The following RYR2 variants were observed in gnomAD, a reference collection of about 807,000 sequenced individuals.
The protein encoded by RYR2 is ryanodine receptor 2.
A neutral mutation model predicts 601.1 loss-of-function variants in RYR2; 227 were observed. That is an observed-to-expected ratio of 0.38 (90% CI 0.34 to 0.42). RYR2 has a LOEUF of 0.42. Among genes scored for constraint, RYR2 ranks in the 10% least tolerant of loss-of-function variants. The probability of loss-of-function intolerance (pLI) is 1.00; values close to 1 mark genes in which losing one functional copy is unlikely to be tolerated. For missense variants in RYR2, 4,646 were observed against 6,156.5 expected (o/e 0.75, Z 8.21); for synonymous variants, 2,223 against 2,175.1 (o/e 1.02, Z -0.61).
chr1:237,296,768 G>C (rs1373054237), intron 2 of RYR2, among the ~76,000 whole-genome samples: 2 of 152,172 alleles, frequency 1.3e-5, no homozygotes, highest in Non-Finnish European at 2.9e-5. Context: ...AAGGGGCTCA[G>C]GTCAAGCACT....
intron 1 of RYR2, among the ~76,000 whole-genome samples, chr1:237,043,362 T>G (rs540972758): frequency 2.0e-5 from 3 of 152,112 alleles, no homozygotes; most frequent in Admixed American, 2.0e-4. Context: ...AATGCTGGCT[T>G]ATTGCATGCC....
At chr1:237,563,311 C>T (rs12134061) in intron 27 of RYR2, among the ~76,000 whole-genome samples, 39,295 of 150,832 alleles carry the variant, frequency 0.26, 5,476 homozygotes, top group East Asian at 0.47. Flanking sequence ...CTCAGGAAGC[C>T]GAGGCAGGGG....
chr1:237,376,348 A>C (rs1701033077), intron 7 of RYR2, among the ~76,000 whole-genome samples: 1 of 152,180 alleles, frequency 6.6e-6, no homozygotes, highest in African/African-American at 2.4e-5. Flanking sequence ...TGCAAAATGA[A>C]TTTGTGGTGA....
intron 1 of RYR2, among the ~76,000 whole-genome samples, chr1:237,261,695 A>T (rs890010467): frequency 6.6e-6 from 1 of 152,192 alleles, no homozygotes; most frequent in Non-Finnish European, 1.5e-5. Flanking sequence ...CAGGAGTTCT[A>T]GACCAGCCTG....
rs1693078772 is a variant in RYR2, at chr1:237,757,739, T to C, written c.11288T>C (p.Ile3763Thr). The C allele has an allele frequency of 6.2e-7, 1 of 1,612,480 alleles. No homozygotes were observed. The highest frequency in any genetic ancestry group is 8.5e-7 in the Non-Finnish European group (1 of 1,178,608). Residue 3763 changes from isoleucine to threonine, a missense_variant, in exon 82 of 105, where the codon ATT becomes ACT. Around this residue, in one of 17 missense-constraint regions of RYR2, gnomAD observed 1,497 missense variants for 1,842.6 expected, o/e 0.81. Coordinates refer to ENST00000366574, the MANE Select transcript of RYR2 (RefSeq NM_001035.3). ...GTAGCAGCTACTCTGAAACTTGGAA[T>C]TGCTATTTTAAATGGTGGGAACTCC... Reference protein sequence around the residue: ...PMVAATLKLGIAILNGGNSTV... With the variant: ...PMVAATLKLGTAILNGGNSTV...
intron 77 of RYR2, among the ~76,000 whole-genome samples, 170 bp from the exon 78 acceptor site, chr1:237,731,876 A>G (rs1032045053): frequency 5.5e-5 from 7 of 126,644 alleles, no homozygotes; most frequent in Non-Finnish European, 3.4e-5. Context: ...TATAGCATGT[A>G]TAATGCATAT....
intron 2 of RYR2, among the ~76,000 whole-genome samples, chr1:237,319,411 A>G (rs1435444578): frequency 6.6e-6 from 1 of 152,136 alleles, no homozygotes; most frequent in African/African-American, 2.4e-5. Context: ...TTTAGATAAT[A>G]TAACAACCCT....
rs375179738 is a variant in RYR2 at position 237,831,909 on chromosome 1, T to C, written c.14808+344T>C. ...TTCCAATGAACTTCAAAGTATTATG[T>C]ACAATGCATGTTAAATGCCTAAGGT... On this transcript the variant is annotated intron_variant, in intron 104 of 104. Transcript: ENST00000366574. Among the ~76,000 whole-genome samples the C allele has an allele frequency of 3.3e-5, 5 of 152,320 alleles. No individual in the cohort carries two copies. In the East Asian group the frequency reaches 5.8e-4, roughly 18 times the overall value.
At chr1:237,673,681 G>A (rs1237550246) in intron 58 of RYR2, among the ~76,000 whole-genome samples, 1 of 152,140 alleles carries the variant, frequency 6.6e-6, no homozygotes, top group African/African-American at 2.4e-5. Context: ...CTCTCTGTGC[G>A]ACAGCAGATG....
intron 3 of RYR2, among the ~76,000 whole-genome samples, chr1:237,349,689 A>G (rs1161622384): frequency 6.6e-6 from 1 of 152,232 alleles, no homozygotes; most frequent in Non-Finnish European, 1.5e-5. Flanking sequence ...ATTTATACTT[A>G]TAATGAAAGA....
intron 49 of RYR2, 22 bp from the exon 50 acceptor site, chr1:237,649,855 C>G (rs766724995): frequency 1.1e-5 from 17 of 1,608,242 alleles, no homozygotes; most frequent in Non-Finnish European, 1.4e-5. Context: ...AAATGGCCTT[C>G]TACTCTCTGA....
At position 237,255,838 on chromosome 1, in the gene RYR2, AGTGTGT is replaced by A. The variant is rs4006354; in HGVS notation, c.49-14629_49-14624del. Among the ~76,000 whole-genome samples, 427 of 142,952 alleles carry A rather than the reference AGTGTGT, an allele frequency of 3.0e-3. 2 individuals are homozygous for A. The highest frequency in any genetic ancestry group is 0.01 in the African/African-American group (396 of 38,366). The allele number at this position is 142,952 out of a possible 152,430, so 93.8% of individuals were successfully genotyped here. A position where few individuals can be genotyped will look rare whatever the true frequency, so the allele number is the denominator to read the frequency against. ...TTCTAGTTGTGCTGCTTGCTATACC[AGTGTGT>A]GTGTGTGTGTGTGTGTGTGTGTGTG... On this transcript the variant is annotated intron_variant, in intron 1 of 104. Coordinates refer to ENST00000366574, the MANE Select transcript of RYR2 (RefSeq NM_001035.3).
chr1:237,638,950 C>T (rs1681161026), intron 45 of RYR2, 65 bp from the exon 46 acceptor site: 3 of 1,537,610 alleles, frequency 2.0e-6, no homozygotes, highest in Admixed American at 1.8e-5. Context: ...ATTAGTATAA[C>T]ATTTATTTGT....
chr1:237,809,986 T>A (rs944728204), intron 100 of RYR2, among the ~76,000 whole-genome samples: 8 of 148,448 alleles, frequency 5.4e-5, no homozygotes, highest in African/African-American at 1.2e-4. Context: ...TAAAAATGGA[T>A]GCCAACCTTG....
chr1:237,629,849 TGGATGAAA>T (rs1412067617), intron 41 of RYR2, among the ~76,000 whole-genome samples: 1 of 152,090 alleles, frequency 6.6e-6, no homozygotes, highest in Non-Finnish European at 1.5e-5. Flanking sequence ...ATTATAAAAA[TGGATGAAA>T]GGTTCTATTA....
rs765394638 is a variant in RYR2, at chr1:237,702,027, T to G, written c.9417T>G (p.Ala3139=). The G allele has an allele frequency of 1.1e-5, 17 of 1,607,728 alleles. No homozygotes were observed. Among genetic ancestry groups the G allele is most frequent in the Non-Finnish European group, 1.4e-5 (16 of 1,174,408 alleles). ...SCYRILTSLY[A]LGTSKSIYVE... Reference sequence around the variant, plus strand: ...ATAGAATTCTGACTAGCTTATATGCTTTGGGAACCAGCAAGAGTATTTACG... The same window carrying G: ...ATAGAATTCTGACTAGCTTATATGCGTTGGGAACCAGCAAGAGTATTTACG... Residue 3139 remains alanine (A), a synonymous_variant, in exon 66 of 105, where the codon GCT becomes GCG. Coordinates refer to ENST00000366574, the MANE Select transcript of RYR2 (RefSeq NM_001035.3).
chr1:237,542,304 G>A (rs1238171974), intron 25 of RYR2, among the ~76,000 whole-genome samples: 90 of 152,084 alleles, frequency 5.9e-4, no homozygotes, highest in Non-Finnish European at 2.6e-4. Flanking sequence ...TGTTGGTCAG[G>A]CTGGTCTCAA....
At position 237,654,348 on chromosome 1, in the gene RYR2, C is replaced by T. The variant is rs1347598233; in HGVS notation, c.7899C>T (p.Ala2633=). Residue 2633 remains alanine, a synonymous_variant, in exon 52 of 105, where the codon GCC becomes GCT. Coordinates refer to ENST00000366574, the MANE Select transcript of RYR2 (RefSeq NM_001035.3). ...LPGGWGNFGA[A]SEEELHLSRK... ...GAGGGTGGGGAAACTTTGGTGCTGC[C>T]TCAGAAGAAGAACTTCATTTATCAA... The T allele has an allele frequency of 3.1e-6, 5 of 1,613,774 alleles. No homozygotes were observed.
chr1:237,502,397 A>G (rs559442793), intron 21 of RYR2, among the ~76,000 whole-genome samples: 1 of 152,290 alleles, frequency 6.6e-6, no homozygotes, highest in East Asian at 1.9e-4. Flanking sequence ...TTGAAGTGAC[A>G]TCAGAATCTC....
Sources: gnomAD v4.1 joint callset for allele counts (sites outside exome capture counted in the v4.1 genomes callset) on GRCh38, gnomAD v4.1.1 for gene constraint, gnomAD v4.1.1 regional missense constraint, MANE v1.5 for transcripts, NCBI Gene and HGNC (gene_info 2026-07-23, HGNC 2026-07-21) for gene names.